Variants in ASCC3 observed in about 807,000 individuals in gnomAD.
ASCC3 encodes the protein ASC-1 complex subunit P200.
ASCC3 carries 158 observed loss-of-function variants against 256.3 expected under a neutral mutation model. The ratio of observed to expected loss-of-function variants is 0.62; its 90% confidence interval spans 0.54 to 0.70. The LOEUF is 0.70. Among genes scored for constraint, ASCC3 ranks in the 30% least tolerant of loss-of-function variants. ASCC3 has a pLI of 0.00. For synonymous variants in ASCC3, 948 were observed against 883.4 expected, an observed-to-expected ratio of 1.07 and a Z score of -1.30; for missense variants, 2,259 against 2,626.0, an observed-to-expected ratio of 0.86 and a Z score of 3.05.
At chr6:100,659,204 G>T (rs2114926862) in intron 16 of ASCC3, among the ~76,000 whole-genome samples, 1 of 151,454 alleles carries the variant, frequency 6.6e-6, no homozygotes, top group South Asian at 2.1e-4. Context: ...GTTGATTAGT[G>T]CAACTGTACA....
chr6:100,814,788 T>G (rs2114398733), intron 4 of ASCC3, among the ~76,000 whole-genome samples: 1 of 152,234 alleles, frequency 6.6e-6, no homozygotes. Flanking sequence ...AGTGGTGATA[T>G]TCCCCTTATT....
chr6:100,830,492 G>T (rs182034951), intron 4 of ASCC3, among the ~76,000 whole-genome samples: 28 of 152,154 alleles, frequency 1.8e-4, no homozygotes, highest in African/African-American at 6.5e-4. Flanking sequence ...TATGAATATG[G>T]ACAATAAAAG....
At position 100,627,953 on chromosome 6, in the gene ASCC3, T is replaced by TA; in HGVS notation, c.4409dup (p.Ser1471IlefsTer15). The TA allele has an allele frequency of 6.2e-7, 1 of 1,613,556 alleles. No individual in the cohort carries two copies. Among genetic ancestry groups the TA allele is most frequent in the Non-Finnish European group, 8.5e-7 (1 of 1,179,758 alleles). On this transcript the variant is annotated frameshift_variant, in exon 28 of 42. Transcript: ENST00000369162. The stretch of plus-strand genomic sequence containing the variant: ...GTGATGAGATAAAATTTGTTCGAGA[T>TA]ACAATGACCTCTAGAACAGGGCCTC...
At chr6:100,748,224 TG>T (rs1388629852) in intron 10 of ASCC3, among the ~76,000 whole-genome samples, 1 of 151,920 alleles carries the variant, frequency 6.6e-6, no homozygotes, top group African/African-American at 2.4e-5. Context: ...GTCTTTGAAT[TG>T]TAAGAGCCAG....
intron 37 of ASCC3, among the ~76,000 whole-genome samples, chr6:100,539,318 C>T (rs1290678115): frequency 3.3e-5 from 5 of 152,122 alleles, no homozygotes; most frequent in Non-Finnish European, 7.4e-5. Context: ...TCTGAAAAGG[C>T]TATAAAAATA....
At chr6:100,581,561 T>C (rs1043850738) in intron 36 of ASCC3, among the ~76,000 whole-genome samples, 1 of 150,732 alleles carries the variant, frequency 6.6e-6, no homozygotes, top group African/African-American at 2.4e-5. Context: ...GTAGTTTCTT[T>C]TGCTGTGCAG....
chr6:100,856,389 C>A, intron 3 of ASCC3: 1 of 984,022 alleles, frequency 1.0e-6, no homozygotes, highest in South Asian at 4.7e-5. Flanking sequence ...ACCATGATAG[C>A]CAAACCTTAA....
chr6:100,689,147 GCCAGGGAAAATTAATCACTC>G (rs1399222458), intron 13 of ASCC3, among the ~76,000 whole-genome samples: 1 of 151,938 alleles, frequency 6.6e-6, no homozygotes, highest in Non-Finnish European at 1.5e-5. Context: ...CTCCAATCTC[GCCAGGGAAAATTAATCACTC>G]CCATCACACG....
chr6:100,680,043 T>C (rs1029488163), intron 13 of ASCC3, among the ~76,000 whole-genome samples: 4 of 152,322 alleles, frequency 2.6e-5, no homozygotes, highest in East Asian at 1.9e-4. Context: ...TCATGTATTA[T>C]AGAGACAGCA....
chr6:100,581,249 T>G (rs1771235282), intron 36 of ASCC3, among the ~76,000 whole-genome samples: 1 of 152,162 alleles, frequency 6.6e-6, no homozygotes, highest in South Asian at 2.1e-4. Context: ...ACCTGTTGTT[T>G]CCTGACTTTT....
At chr6:100,720,414 A>C (rs1779272004) in intron 11 of ASCC3, among the ~76,000 whole-genome samples, 1 of 151,926 alleles carries the variant, frequency 6.6e-6, no homozygotes, top group Admixed American at 6.6e-5. Flanking sequence ...AGAACAGTAA[A>C]TTTTCCATAG....
At chr6:100,689,507 AT>A (rs1777736005) in intron 13 of ASCC3, among the ~76,000 whole-genome samples, 1 of 152,248 alleles carries the variant, frequency 6.6e-6, no homozygotes, top group African/African-American at 2.4e-5. Flanking sequence ...CAGAGCTTAC[AT>A]TTTGCTAATT....
At chr6:100,776,839 G>A (rs1363117448) in intron 8 of ASCC3, among the ~76,000 whole-genome samples, 1 of 151,940 alleles carries the variant, frequency 6.6e-6, no homozygotes. Flanking sequence ...ATAAGCTTAA[G>A]TTTAAGATAA....
At chr6:100,781,544 T>G (rs1782451427) in intron 8 of ASCC3, among the ~76,000 whole-genome samples, 1 of 124,714 alleles carries the variant, frequency 8.0e-6, no homozygotes, top group Non-Finnish European at 1.6e-5. Flanking sequence ...CCACCACGCC[T>G]GGCTAATTTT....
chr6:100,781,708 C>T (rs1427855757), intron 8 of ASCC3, among the ~76,000 whole-genome samples: 1 of 151,432 alleles, frequency 6.6e-6, no homozygotes, highest in African/African-American at 2.4e-5. Context: ...TTCTTAAAAC[C>T]AAAAAAGGTA....
chr6:100,801,566 CTCAA>C (rs1769916591), intron 5 of ASCC3, among the ~76,000 whole-genome samples: 2 of 151,978 alleles, frequency 1.3e-5, no homozygotes, highest in Admixed American at 1.3e-4. Flanking sequence ...TCATTAAACT[CTCAA>C]TCATAGGGAA....
intron 8 of ASCC3, among the ~76,000 whole-genome samples, chr6:100,796,545 C>A (rs748088707): frequency 2.6e-5 from 4 of 152,038 alleles, no homozygotes; most frequent in Admixed American, 6.6e-5. Context: ...GGAGTCCTAA[C>A]CTGATAGGGC....
At chr6:100,577,934 A>G (rs1159531719) in intron 36 of ASCC3, among the ~76,000 whole-genome samples, 2 of 152,112 alleles carry the variant, frequency 1.3e-5, no homozygotes, top group African/African-American at 4.8e-5. Flanking sequence ...AATGGAGAGT[A>G]ATACTTAAAG....
At chr6:100,702,530 T>A (rs769560909) in intron 13 of ASCC3, among the ~76,000 whole-genome samples, 6 of 152,022 alleles carry the variant, frequency 3.9e-5, no homozygotes, top group Non-Finnish European at 8.8e-5. Flanking sequence ...AGTACAAATA[T>A]GTAAGGTAGT....
Sources: allele counts gnomAD v4.1 joint callset (sites outside exome capture counted in the v4.1 genomes callset), GRCh38; gene constraint gnomAD v4.1.1; transcripts MANE v1.5; gene names NCBI Gene and HGNC (gene_info 2026-07-23, HGNC 2026-07-21).